Variants in SETD5 observed in about 807,000 individuals in gnomAD.
SETD5 encodes the protein SET domain containing 5.
SETD5 carries 44 observed loss-of-function variants against 153.3 expected under a neutral mutation model. That is an observed-to-expected ratio of 0.29 (90% CI 0.23 to 0.37). The LOEUF (loss-of-function observed/expected upper bound fraction) is 0.37, where lower values mean the gene tolerates loss of function less well. Among genes scored for constraint, SETD5 ranks in the 10% least tolerant of loss-of-function variants. The pLI is 1.00. For missense variants in SETD5, 1,544 were observed against 1,768.0 expected (o/e 0.87, Z 2.27); for synonymous variants, 716 against 645.2 (o/e 1.11, Z -1.66).
At chr3:9,461,899 G>C (rs2043997279) in intron 17 of SETD5, among the ~76,000 whole-genome samples, 1 of 152,102 alleles carries the variant, frequency 6.6e-6, no homozygotes, top group Admixed American at 6.6e-5. Flanking sequence ...TATAAGCCAT[G>C]AATTACATGT....
At chr3:9,411,451 AC>A (rs1211134382) in intron 1 of SETD5, among the ~76,000 whole-genome samples, 1 of 152,214 alleles carries the variant, frequency 6.6e-6, no homozygotes, top group East Asian at 1.9e-4. Context: ...TTTCAGCAAT[AC>A]GTCACTTTCT....
chr3:9,442,404 G>A (rs953278936), intron 10 of SETD5, among the ~76,000 whole-genome samples, 159 bp downstream of exon 10: 8 of 152,164 alleles, frequency 5.3e-5, no homozygotes, highest in Admixed American at 1.3e-4. Flanking sequence ...GCTTTTATAC[G>A]ACAAAATGGG....
intron 7 of SETD5, among the ~76,000 whole-genome samples, chr3:9,439,913 A>G (rs957379571): frequency 5.3e-5 from 8 of 152,218 alleles, no homozygotes; most frequent in Non-Finnish European, 1.0e-4. Context: ...AATGAGATTG[A>G]TTGATTAAGA....
Position 9,473,378 on chromosome 3 carries a change from A to G in SETD5, c.3338A>G (p.His1113Arg), listed in dbSNP as rs200143538. 274 of 1,613,964 alleles carry G rather than the reference A, an allele frequency of 1.7e-4. 2 individuals carry two copies. The East Asian group carries it at 4.1e-3, about 24-fold the overall frequency. The change falls in exon 20 of 23, where the codon CAT becomes CGT. Residue 1113 changes from histidine (H) to arginine (R), a missense_variant. His to Arg is a conservative substitution (Grantham distance 29). This residue lies in a region of SETD5 where 93 missense variants were observed against 93.4 expected (regional missense o/e 1.00). Transcript: ENST00000402198. ...SSNSVSDTGA[H>R]GVQGSSARTP... is the part of the protein sequence containing the mutation. The stretch of plus-strand genomic sequence containing the variant: ...AACTCCGTTTCCGACACTGGTGCCC[A>G]TGGTGTGCAGGGATCCTCAGCCCGA...
At chr3:9,432,897 G>A (rs915637070) in intron 3 of SETD5, among the ~76,000 whole-genome samples, 11 of 152,284 alleles carry the variant, frequency 7.2e-5, no homozygotes, top group Non-Finnish European at 1.6e-4. Flanking sequence ...TTTCTTTAAA[G>A]GACTGAATGT....
chr3:9,421,679 A>G (rs2038430164), intron 1 of SETD5, among the ~76,000 whole-genome samples: 1 of 152,220 alleles, frequency 6.6e-6, no homozygotes, highest in South Asian at 2.1e-4. Flanking sequence ...ATTTTGAATA[A>G]TCAAGTTCAG....
chr3:9,459,620 C>G (rs2043687750), intron 17 of SETD5, among the ~76,000 whole-genome samples: 1 of 145,100 alleles, frequency 6.9e-6, no homozygotes, highest in African/African-American at 2.6e-5. Flanking sequence ...AATACAACAA[C>G]AACAACAAAA....
At position 9,453,640 on chromosome 3, in the gene SETD5, G is replaced by A; in HGVS notation, c.2347-99G>A. ...CTTGACTGTGTAACTGAATTAGTGT[G>A]TTGAATTGTATCACTCACCAGTTGA... On this transcript the variant is annotated intron_variant, in intron 16 of 22. Transcript: ENST00000402198. 3 of 1,158,914 alleles carry A rather than the reference G, an allele frequency of 2.6e-6. No homozygotes were observed. In the East Asian group the frequency reaches 7.6e-5, roughly 29 times the overall value. 71.8% of individuals were successfully genotyped at this position (1,158,914 alleles called of 1,614,324 possible).
chr3:9,474,749 A>G (rs562535790), intron 21 of SETD5, 167 bp downstream of exon 21: 12 of 897,928 alleles, frequency 1.3e-5, no homozygotes, highest in Admixed American at 8.1e-5. Flanking sequence ...CCACATTTGT[A>G]AGATCTAGCA....
Position 9,434,156 on chromosome 3 carries a change from T to C in SETD5, c.178-178T>C, listed in dbSNP as rs2040296517. 1.3e-6 allele frequency: 2 copies of C among 1,548,588 alleles called. No individual in the cohort carries two copies. The highest frequency in any genetic ancestry group is 8.7e-7 in the Non-Finnish European group (1 of 1,147,162). ...ACCTTGGCATTTTGTTTTATCACTTTCCTGGTTGAAGCCAAAAAACAAAGG... is the reference window on the plus strand; with the variant it reads ...ACCTTGGCATTTTGTTTTATCACTTCCCTGGTTGAAGCCAAAAAACAAAGG... On this transcript the variant is annotated intron_variant, in intron 4 of 22. Coordinates refer to ENST00000402198, the MANE Select transcript of SETD5 (RefSeq NM_001080517.3). This position sits in a 1 kb window ranked among gnomAD's most constrained non-coding sequence, Gnocchi z 5.6.
intron 1 of SETD5, among the ~76,000 whole-genome samples, chr3:9,402,296 A>G (rs1184674555): frequency 6.6e-6 from 1 of 152,152 alleles, no homozygotes; most frequent in African/African-American, 2.4e-5. Context: ...TAGCGAAGGG[A>G]ACTATGGGAT....
In SETD5 at chr3:9,445,721, A is replaced by T; in HGVS notation, c.1505A>T (p.Asn502Ile). Reference protein sequence around the residue: ...EKEEVIDDQENLAHSRRTRED... With the variant: ...EKEEVIDDQEILAHSRRTRED... Reference sequence around the variant, plus strand: ...GAAGAGGTTATAGATGACCAGGAGAACCTAGCTCATAGCAGGAGGGTGAGT... The same window carrying T: ...GAAGAGGTTATAGATGACCAGGAGATCCTAGCTCATAGCAGGAGGGTGAGT... Residue 502 changes from asparagine to isoleucine, a missense_variant, in exon 13 of 23, where the codon AAC (asparagine) becomes ATC (isoleucine). Physicochemically the swap from Asn to Ile is moderately radical, Grantham distance 149. This residue lies in a region of SETD5 where 782 missense variants were observed against 787.2 expected (regional missense o/e 0.99). Coordinates refer to ENST00000402198, the MANE Select transcript of SETD5 (RefSeq NM_001080517.3). 6 of 1,613,188 alleles carry T rather than the reference A, an allele frequency of 3.7e-6. No homozygotes were observed. Among genetic ancestry groups the T allele is most frequent in the Non-Finnish European group, 5.1e-6 (6 of 1,179,522 alleles).
chr3:9,403,456 G>A (rs1342900749), intron 1 of SETD5, among the ~76,000 whole-genome samples: 1 of 152,140 alleles, frequency 6.6e-6, no homozygotes, highest in Non-Finnish European at 1.5e-5. Flanking sequence ...ACCTGAACAT[G>A]TAGAATAATT....
chr3:9,403,966 A>C (rs532781413), intron 1 of SETD5, among the ~76,000 whole-genome samples: 1 of 152,212 alleles, frequency 6.6e-6, no homozygotes, highest in African/African-American at 2.4e-5. Flanking sequence ...TTAGCTGGCA[A>C]TTATTTGAAT....
intron 6 of SETD5, 106 bp from the exon 7 acceptor site, chr3:9,435,622 T>C (rs1041138183): frequency 9.9e-7 from 1 of 1,006,514 alleles, no homozygotes; most frequent in Non-Finnish European, 1.4e-6. Context: ...GAGTTAATAG[T>C]GGAAGTAATG....
At chr3:9,471,510 C>T (rs1161859550) in intron 19 of SETD5, among the ~76,000 whole-genome samples, 4 of 152,150 alleles carry the variant, frequency 2.6e-5, no homozygotes, top group Non-Finnish European at 5.9e-5. Flanking sequence ...GGTGGCACTC[C>T]ATTGGCCAGG....
intron 1 of SETD5, among the ~76,000 whole-genome samples, chr3:9,404,231 G>C (rs1559342417): frequency 6.6e-6 from 1 of 152,164 alleles, no homozygotes; most frequent in Admixed American, 6.5e-5. Context: ...TAGCAGAGGA[G>C]ATGTTTTAAC....
intron 17 of SETD5, 149 bp downstream of exon 17, chr3:9,454,017 A>G (rs1248774165): frequency 2.2e-6 from 2 of 912,356 alleles, no homozygotes; most frequent in Non-Finnish European, 1.5e-6. Flanking sequence ...GAAGAGAGAG[A>G]TCTCAAGTCA....
In SETD5 at chr3:9,434,665, A is replaced by G. The variant is rs2040349211; in HGVS notation, c.330-159A>G. Reference sequence around the variant, plus strand: ...GCTGACAACAAGGAATGAGAGATTGATGTTAAAGCTATTGAATTTGATATG... The same window carrying G: ...GCTGACAACAAGGAATGAGAGATTGGTGTTAAAGCTATTGAATTTGATATG... On this transcript the variant is annotated intron_variant, in intron 5 of 22. Coordinates refer to ENST00000402198, the MANE Select transcript of SETD5 (RefSeq NM_001080517.3). The surrounding 1 kb of genome is among the most constrained non-coding windows in gnomAD (Gnocchi z 5.6). 2.0e-6 allele frequency: 3 copies of G among 1,465,474 alleles called. No individual in the cohort carries two copies. The highest frequency in any genetic ancestry group is 2.7e-6 in the Non-Finnish European group (3 of 1,108,834). The allele number at this position is 1,465,474 out of a possible 1,614,324, so 90.8% of individuals were successfully genotyped here. A position where few individuals can be genotyped will look rare whatever the true frequency, so the allele number is the denominator to read the frequency against.
Sources: gnomAD v4.1 joint callset for allele counts (sites outside exome capture counted in the v4.1 genomes callset) on GRCh38, gnomAD v4.1.1 for gene constraint, gnomAD v4.1.1 regional missense constraint, Gnocchi (gnomAD v3.1) non-coding constraint, MANE v1.5 for transcripts, NCBI Gene and HGNC (gene_info 2026-07-23, HGNC 2026-07-21) for gene names.